MYO1D: variants seen among roughly 807,000 people sequenced by gnomAD.
MYO1D encodes the protein unconventional myosin-Id.
In MYO1D, 83 loss-of-function variants were observed where a neutral mutation model predicts 122.0. That is an observed-to-expected ratio of 0.68 (90% CI 0.57 to 0.82). The LOEUF (loss-of-function observed/expected upper bound fraction) is 0.82, where lower values mean the gene tolerates loss of function less well. MYO1D is among the 40% of genes least tolerant of loss of function. The pLI is 0.00. For missense variants in MYO1D, 1,157 were observed against 1,269.5 expected (o/e 0.91, Z 1.35); for synonymous variants, 464 against 446.9 (o/e 1.04, Z -0.48).
At chr17:32,577,665 C>T (rs2087291057) in intron 21 of MYO1D, among the ~76,000 whole-genome samples, 1 of 151,320 alleles carries the variant, frequency 6.6e-6, no homozygotes, top group African/African-American at 2.4e-5. Context: ...TTAGCTTTCA[C>T]TAGTAAGAGT....
At chr17:32,777,742 G>C (rs556223384) in intron 3 of MYO1D, among the ~76,000 whole-genome samples, 3 of 151,770 alleles carry the variant, frequency 2.0e-5, no homozygotes, top group African/African-American at 7.3e-5. Context: ...TCAGGAGATC[G>C]AGACCACAGT....
intron 8 of MYO1D, among the ~76,000 whole-genome samples, chr17:32,761,476 A>G (rs2090001675): frequency 6.6e-6 from 1 of 152,116 alleles, no homozygotes; most frequent in African/African-American, 2.4e-5. Context: ...TGGATTTCGG[A>G]TAATAGCCTT....
rs764174552 is a variant in MYO1D, at chr17:32,876,802, T to A, written c.71A>T (p.Glu24Val). ...FVLMDTVSMP[E>V]FMANLRLRFE... Reference sequence around the variant, plus strand: ...CCTGAGCCTGAGGTTGGCCATGAACTCGGGCATGGAGACGGTGTCCATCAG... The same window carrying A: ...CCTGAGCCTGAGGTTGGCCATGAACACGGGCATGGAGACGGTGTCCATCAG... The change falls in exon 1 of 22, where the codon GAG becomes GTG. Residue 24 changes from glutamate to valine, a missense_variant. Glu to Val is a moderately radical substitution (Grantham distance 121, BLOSUM62 -2). Transcript: ENST00000318217. The A allele has an allele frequency of 1.2e-4, 179 of 1,521,158 alleles. No homozygotes were observed. The highest frequency in any genetic ancestry group is 1.5e-4 in the Non-Finnish European group (171 of 1,134,930). 94.2% of individuals were successfully genotyped at this position (1,521,158 alleles called of 1,614,324 possible). A position where few individuals can be genotyped will look rare whatever the true frequency, so the allele number is the denominator to read the frequency against.
intron 16 of MYO1D, among the ~76,000 whole-genome samples, chr17:32,668,222 T>C (rs961576821): frequency 6.6e-6 from 1 of 152,118 alleles, no homozygotes; most frequent in African/African-American, 2.4e-5. Flanking sequence ...TGGTCAAGAG[T>C]TTGAGCATCT....
chr17:32,639,893 G>T (rs949567496), intron 19 of MYO1D, among the ~76,000 whole-genome samples: 1 of 152,136 alleles, frequency 6.6e-6, no homozygotes, highest in African/African-American at 2.4e-5. Context: ...TTATTTCTAA[G>T]ATGCAAACAA....
intron 5 of MYO1D, among the ~76,000 whole-genome samples, chr17:32,771,977 C>T (rs1427160765): frequency 6.6e-6 from 1 of 152,114 alleles, no homozygotes; most frequent in African/African-American, 2.4e-5. Context: ...CTTAAAAAGT[C>T]TAATTATCAG....
intron 21 of MYO1D, among the ~76,000 whole-genome samples, chr17:32,513,998 C>T (rs952977466): frequency 6.6e-6 from 1 of 151,822 alleles, no homozygotes; most frequent in Non-Finnish European, 1.5e-5. Context: ...AATCCCAGCA[C>T]TTTGGGAGGT....
intron 20 of MYO1D, among the ~76,000 whole-genome samples, chr17:32,623,011 A>G (rs1014238949): frequency 6.6e-6 from 1 of 152,198 alleles, no homozygotes; most frequent in South Asian, 2.1e-4. Flanking sequence ...GCAATATAAG[A>G]TATTTTTACA....
chr17:32,851,484 C>A (rs533370062), intron 1 of MYO1D, among the ~76,000 whole-genome samples: 1 of 152,204 alleles, frequency 6.6e-6, no homozygotes, highest in South Asian at 2.1e-4. Context: ...ATCAAATAGT[C>A]CATATCCACC....
At chr17:32,720,937 T>G in intron 15 of MYO1D, 86 bp downstream of exon 15, 1 of 1,281,156 alleles carries the variant, frequency 7.8e-7, no homozygotes, top group Non-Finnish European at 1.0e-6. Context: ...ATTTATAGAT[T>G]GCCTAATATG....
At chr17:32,609,195 T>C (rs113147000) in intron 20 of MYO1D, among the ~76,000 whole-genome samples, 5 of 152,234 alleles carry the variant, frequency 3.3e-5, no homozygotes, top group Non-Finnish European at 4.4e-5. Context: ...GATCTCTAGA[T>C]ATTCTACTTT....
chr17:32,766,329 T>C (rs2090056631), intron 7 of MYO1D, among the ~76,000 whole-genome samples: 2 of 152,256 alleles, frequency 1.3e-5, no homozygotes. Flanking sequence ...TCTGTTGATC[T>C]GGTGCTGAAC....
In MYO1D at chr17:32,873,874, G is replaced by T. The variant is rs1412244309; in HGVS notation, c.95+2904C>A. Among the ~76,000 whole-genome samples the T allele has an allele frequency of 2.0e-5, 3 of 152,178 alleles. No individual in the cohort carries two copies. The East Asian group carries it at 5.8e-4, about 29-fold the overall frequency. ...GAATGATGTGGAGATTGGGTATAAA[G>T]GTAGACCTAAAAACCTGGGCCTTAG... On this transcript the variant is annotated intron_variant, in intron 1 of 21. Transcript: ENST00000318217.
intron 14 of MYO1D, among the ~76,000 whole-genome samples, chr17:32,737,551 G>T (rs2089719841): frequency 6.6e-6 from 1 of 151,940 alleles, no homozygotes; most frequent in African/African-American, 2.4e-5. Context: ...TGTAGAGGAG[G>T]TCTTATTATA....
chr17:32,760,088 G>A (rs1353337677), intron 10 of MYO1D: 2 of 709,402 alleles, frequency 2.8e-6, no homozygotes, highest in Non-Finnish European at 5.1e-6. Flanking sequence ...GATGTTCTGG[G>A]CATCAACAAG....
chr17:32,673,580 G>A (rs540514079), intron 16 of MYO1D, among the ~76,000 whole-genome samples: 8 of 152,314 alleles, frequency 5.3e-5, no homozygotes, highest in Admixed American at 4.6e-4. Context: ...TGATGAACAA[G>A]GCTTCGGAAA....
In MYO1D at chr17:32,755,531, G is replaced by C; in HGVS notation, c.1428C>G (p.Asn476Lys). 1 of 1,613,966 alleles carries C rather than the reference G, an allele frequency of 6.2e-7. No homozygotes were observed. Among genetic ancestry groups the C allele is most frequent in the Non-Finnish European group, 8.5e-7 (1 of 1,179,864 alleles). ...AATGGGCGTGTTTGCCCAATTTACT[G>C]TTAAGTGCTTCAAGAAACATTTCAT... ...VTDEMFLEALNSKLGKHAHFS... is the reference protein window; with the variant it reads ...VTDEMFLEALKSKLGKHAHFS... The change falls in exon 11 of 22, where the codon AAC becomes AAG. Residue 476 changes from asparagine to lysine, a missense_variant. Transcript: ENST00000318217.
intron 21 of MYO1D, among the ~76,000 whole-genome samples, chr17:32,568,182 A>T (rs2087190101): frequency 9.2e-6 from 1 of 108,872 alleles, no homozygotes. Flanking sequence ...TTTCTGCGTT[A>T]TTACAAAAAA....
intron 21 of MYO1D, among the ~76,000 whole-genome samples, chr17:32,544,325 T>G (rs560149018): frequency 6.6e-6 from 1 of 152,036 alleles, no homozygotes; most frequent in Non-Finnish European, 1.5e-5. Context: ...GGTCTTGAAC[T>G]CCTAGGTTCA....
Sources: allele counts gnomAD v4.1 joint callset (sites outside exome capture counted in the v4.1 genomes callset), GRCh38; gene constraint gnomAD v4.1.1; transcripts MANE v1.5; gene names NCBI Gene and HGNC (gene_info 2026-07-23, HGNC 2026-07-21).